The following RNF224 variants were observed in gnomAD, a reference collection of about 807,000 sequenced individuals.
The protein encoded by RNF224 is ring finger protein 224.
A neutral mutation model predicts 2.9 loss-of-function variants in RNF224; 1 was observed. The observed-to-expected ratio is 0.35, with a 90% confidence interval of 0.12 to 1.66. The LOEUF is 1.66. Ranked by LOEUF, RNF224 falls within the 40% of genes most tolerant of loss-of-function variation. The pLI is 0.35. For missense variants in RNF224, 254 were observed against 221.8 expected, an observed-to-expected ratio of 1.15 and a Z score of -0.92; for synonymous variants, 116 against 97.6, an observed-to-expected ratio of 1.19 and a Z score of -1.11.
chr9:137,228,495 C>A (rs1056678238), intron 2 of RNF224, 127 bp from the exon 3 acceptor site: 6 of 1,086,790 alleles, frequency 5.5e-6, no homozygotes, highest in South Asian at 1.7e-5. Flanking sequence ...ACGCTCCCTC[C>A]CAGGTCTGCA....
chr9:137,228,738 C>T lies in RNF224; in HGVS notation c.123C>T (p.Leu41=), dbSNP rs572693637. The T allele has an allele frequency of 8.5e-6, 13 of 1,531,856 alleles. No homozygotes were observed. In the African/African-American group the frequency reaches 1.6e-4, roughly 19 times the overall value. The allele number at this position is 1,531,856 out of a possible 1,614,324, so 94.9% of individuals were successfully genotyped here. The change falls in exon 3 of 3, where the codon CTC becomes CTT. Residue 41 remains leucine, a synonymous_variant. Transcript: ENST00000445101. ...TCTCCGGGCACCTGCCCCGCCGCCT[C>T]TACTGTGGACACACCTTCTGCCAGG... ...YDLSGHLPRR[L]YCGHTFCQAC...
rs562312320 is a variant in RNF224, at chr9:137,228,796, G to T, written c.181G>T (p.Glu61Ter). 2.0e-5 allele frequency: 30 copies of T among 1,533,814 alleles called. No individual in the cohort carries two copies. The East Asian group carries it at 6.9e-4, about 35-fold the overall frequency. The change falls in exon 3 of 3, where the codon GAG becomes TAG. Residue 61 changes from glutamate to a stop codon, truncating the protein, a stop_gained. Coordinates refer to ENST00000445101, the MANE Select transcript of RNF224 (RefSeq NM_001190228.2). LOFTEE classifies it low-confidence loss of function (END_TRUNC). ...CVRRLDTPAP[E>*]QRWIPCPQCR... ...GCGGCGGCTGGACACACCGGCGCCC[G>T]AGCAGCGCTGGATCCCCTGTCCGCA...
rs996708912 is a variant in RNF224 at position 137,229,548 on chromosome 9, G to A, written c.*462G>A. The A allele has an allele frequency of 4.5e-5, 8 of 176,012 alleles. No homozygotes were observed. Among genetic ancestry groups the A allele is most frequent in the African/African-American group, 1.9e-4 (8 of 42,240 alleles). The allele number at this position is 176,012 out of a possible 1,614,324, so 10.9% of individuals were successfully genotyped here. Reference sequence around the variant, plus strand: ...CCTCTCCCACAGACGTCCCCGGGGTGTACCGGGAGGGTGGCAAGACTACCT... The same window carrying A: ...CCTCTCCCACAGACGTCCCCGGGGTATACCGGGAGGGTGGCAAGACTACCT... On this transcript the variant is annotated 3_prime_UTR_variant, in exon 3 of 3. Coordinates refer to ENST00000445101, the MANE Select transcript of RNF224 (RefSeq NM_001190228.2).
Position 137,228,786 on chromosome 9 carries a change from A to T in RNF224, c.171A>T (p.Thr57=). 3.3e-6 allele frequency: 5 copies of T among 1,533,594 alleles called. No individual in the cohort carries two copies. Among genetic ancestry groups the T allele is most frequent in the Non-Finnish European group, 4.4e-6 (5 of 1,145,612 alleles). 95.0% of individuals were successfully genotyped at this position (1,533,594 alleles called of 1,614,324 possible). The change falls in exon 3 of 3, where the codon ACA becomes ACT. Residue 57 remains threonine (T), a synonymous_variant. Coordinates refer to ENST00000445101, the MANE Select transcript of RNF224 (RefSeq NM_001190228.2). ...FCQACVRRLD[T]PAPEQRWIPC... Reference sequence around the variant, plus strand: ...AGGCGTGTGTGCGGCGGCTGGACACACCGGCGCCCGAGCAGCGCTGGATCC... The same window carrying T: ...AGGCGTGTGTGCGGCGGCTGGACACTCCGGCGCCCGAGCAGCGCTGGATCC...
chr9:137,229,438 G>A lies in RNF224; in HGVS notation c.*352G>A, dbSNP rs1006845432. ...CAAAGGATGGCTCCCAAGAGGATGC[G>A]AAGGCGTCCCGGGGGCCTGGGCTGC... On this transcript the variant is annotated 3_prime_UTR_variant, in exon 3 of 3. Coordinates refer to ENST00000445101, the MANE Select transcript of RNF224 (RefSeq NM_001190228.2). 14 of 298,428 alleles carry A rather than the reference G, an allele frequency of 4.7e-5. No homozygotes were observed. Among genetic ancestry groups the A allele is most frequent in the South Asian group, 1.9e-4 (4 of 21,236 alleles). The allele number at this position is 298,428 out of a possible 1,614,324, so 18.5% of individuals were successfully genotyped here.
intron 1 of RNF224, 123 bp from the exon 2 acceptor site, chr9:137,228,029 G>C (rs1477393790): frequency 4.6e-6 from 2 of 433,862 alleles, no homozygotes; most frequent in Non-Finnish European, 8.3e-6. Flanking sequence ...CCCTAAGAGT[G>C]GGGAAATGGA....
intron 1 of RNF224, 110 bp downstream of exon 1, chr9:137,227,971 G>C (rs1436014716): frequency 3.8e-6 from 1 of 260,024 alleles, no homozygotes; most frequent in African/African-American, 2.4e-5. Context: ...GGAGGGGAGA[G>C]GTGAGGGAGG....
chr9:137,228,250 C>A lies in RNF224; in HGVS notation c.-86C>A. The A allele has an allele frequency of 7.2e-7, 1 of 1,398,242 alleles. No individual in the cohort carries two copies. Among genetic ancestry groups the A allele is most frequent in the Non-Finnish European group, 9.8e-7 (1 of 1,025,020 alleles). The allele number at this position is 1,398,242 out of a possible 1,614,324, so 86.6% of individuals were successfully genotyped here. ...CTCCCGTGCAAGGCCAGTAATGCAA[C>A]CCAGGAGGGAGCCGCAGGGCGCCCT... On this transcript the variant is annotated 5_prime_UTR_variant, in exon 2 of 3. Transcript: ENST00000445101.
intron 2 of RNF224, 33 bp from the exon 3 acceptor site, chr9:137,228,589 G>T (rs1249727801): frequency 1.4e-6 from 2 of 1,409,800 alleles, no homozygotes; most frequent in South Asian, 3.0e-5. Flanking sequence ...GGTCCTCGAG[G>T]CAGGCTGTCC....
intron 1 of RNF224, 69 bp from the exon 2 acceptor site, chr9:137,228,083 G>C: frequency 1.9e-6 from 1 of 518,520 alleles, no homozygotes; most frequent in Non-Finnish European, 3.4e-6. Context: ...AGCTGGCTGG[G>C]TCTGGACAGG....
Position 137,229,359 on chromosome 9 carries a change from G to A in RNF224, c.*273G>A. On this transcript the variant is annotated 3_prime_UTR_variant, in exon 3 of 3. Transcript: ENST00000445101. Reference sequence around the variant, plus strand: ...ACTAGCCCGACCGGATGTGCCTGGTGAGGACACTGCTGTCTGAGTGGGCGG... The same window carrying A: ...ACTAGCCCGACCGGATGTGCCTGGTAAGGACACTGCTGTCTGAGTGGGCGG... 3.8e-6 allele frequency: 2 copies of A among 524,946 alleles called. No homozygotes were observed. The highest frequency in any genetic ancestry group is 2.3e-5 in the South Asian group (1 of 43,154). The allele number at this position is 524,946 out of a possible 1,614,324, so 32.5% of individuals were successfully genotyped here.
chr9:137,229,140 C>T lies in RNF224; in HGVS notation c.*54C>T. 8.6e-6 allele frequency: 9 copies of T among 1,046,968 alleles called. No homozygotes were observed. Among genetic ancestry groups the T allele is most frequent in the Non-Finnish European group, 1.1e-5 (8 of 716,994 alleles). The allele number at this position is 1,046,968 out of a possible 1,614,324, so 64.9% of individuals were successfully genotyped here. A position where few individuals can be genotyped will look rare whatever the true frequency, so the allele number is the denominator to read the frequency against. Reference sequence around the variant, plus strand: ...AAATGCCTGCCTTGGAACCCCTGACCACACACCATCATGGGTTCAGCCCAC... The same window carrying T: ...AAATGCCTGCCTTGGAACCCCTGACTACACACCATCATGGGTTCAGCCCAC... On this transcript the variant is annotated 3_prime_UTR_variant, in exon 3 of 3. Coordinates refer to ENST00000445101, the MANE Select transcript of RNF224 (RefSeq NM_001190228.2).
intron 2 of RNF224, 48 bp from the exon 3 acceptor site, chr9:137,228,574 C>CG: frequency 2.2e-6 from 3 of 1,370,738 alleles, no homozygotes; most frequent in Non-Finnish European, 2.9e-6. Context: ...CCCATCCAGG[C>CG]GGAAGGTCCT....
At position 137,227,813 on chromosome 9, in the gene RNF224, G is replaced by A. The variant is rs1358318467; in HGVS notation, c.-233G>A. ...GTCTGCAGAAGGCTCTGAGCCAGGA[G>A]GGAACCCTGGCAGGCTTCCTAGAGG... is the stretch of plus-strand genomic sequence containing the variant. On this transcript the variant is annotated 5_prime_UTR_variant, in exon 1 of 3. Transcript: ENST00000445101. 1 of 155,648 alleles carries A rather than the reference G, an allele frequency of 6.4e-6. No individual in the cohort carries two copies. Among genetic ancestry groups the A allele is most frequent in the Non-Finnish European group, 1.4e-5 (1 of 70,220 alleles). 9.6% of individuals were successfully genotyped at this position (155,648 alleles called of 1,614,324 possible). A position where few individuals can be genotyped will look rare whatever the true frequency, so the allele number is the denominator to read the frequency against.
rs1213243122 is a variant in RNF224, at chr9:137,229,562, G to C, written c.*476G>C. ...GTCCCCGGGGTGTACCGGGAGGGTG[G>C]CAAGACTACCTCCTTCCTCCCTGCC... On this transcript the variant is annotated 3_prime_UTR_variant, in exon 3 of 3. Coordinates refer to ENST00000445101, the MANE Select transcript of RNF224 (RefSeq NM_001190228.2). 1 of 173,876 alleles carries C rather than the reference G, an allele frequency of 5.8e-6. No individual in the cohort carries two copies. The highest frequency in any genetic ancestry group is 2.4e-5 in the African/African-American group (1 of 42,164). The allele number at this position is 173,876 out of a possible 1,614,324, so 10.8% of individuals were successfully genotyped here. A position where few individuals can be genotyped will look rare whatever the true frequency, so the allele number is the denominator to read the frequency against.
Position 137,228,573 on chromosome 9 carries a change from G to A in RNF224, c.7-49G>A, listed in dbSNP as rs191555669. 45 of 1,373,538 alleles carry A rather than the reference G, an allele frequency of 3.3e-5. 1 individual carries two copies. Among genetic ancestry groups the A allele is most frequent in the Middle Eastern group, 5.2e-4 (2 of 3,844 alleles). 85.1% of individuals were successfully genotyped at this position (1,373,538 alleles called of 1,614,324 possible). A position where few individuals can be genotyped will look rare whatever the true frequency, so the allele number is the denominator to read the frequency against. On this transcript the variant is annotated intron_variant, in intron 2 of 2. Coordinates refer to ENST00000445101, the MANE Select transcript of RNF224 (RefSeq NM_001190228.2). ...CTCCTGGGGCCAGCACCCCATCCAG[G>A]CGGAAGGTCCTCGAGGCAGGCTGTC...
chr9:137,228,707 A>G lies in RNF224; in HGVS notation c.92A>G (p.Tyr31Cys), dbSNP rs1435881449. ...RTDCIICCSA[Y>C]DLSGHLPRRL... Reference sequence around the variant, plus strand: ...GACTGCATCATCTGCTGCTCGGCCTATGACCTCTCCGGGCACCTGCCCCGC... The same window carrying G: ...GACTGCATCATCTGCTGCTCGGCCTGTGACCTCTCCGGGCACCTGCCCCGC... The change falls in exon 3 of 3, where the codon TAT becomes TGT. Residue 31 changes from tyrosine (Y) to cysteine (C), a missense_variant. Tyr to Cys is a radical substitution (Grantham distance 194). Transcript: ENST00000445101. 26 of 1,526,298 alleles carry G rather than the reference A, an allele frequency of 1.7e-5. No individual in the cohort carries two copies. The highest frequency in any genetic ancestry group is 4.9e-5 in the East Asian group (2 of 40,704). 94.5% of individuals were successfully genotyped at this position (1,526,298 alleles called of 1,614,324 possible).
chr9:137,229,021 C>T lies in RNF224; in HGVS notation c.406C>T (p.Pro136Ser). The part of the protein sequence containing the change: ...ALGPQPHFPQ[P>S]RYCCWGCGSL... ...GGGACCCCAGCCCCACTTCCCCCAGCCCAGATACTGCTGCTGGGGCTGTGG... is the reference window on the plus strand; with the variant it reads ...GGGACCCCAGCCCCACTTCCCCCAGTCCAGATACTGCTGCTGGGGCTGTGG... Residue 136 changes from proline to serine, a missense_variant, in exon 3 of 3, where the codon CCC becomes TCC. Transcript: ENST00000445101. 6.5e-7 allele frequency: 1 copy of T among 1,535,360 alleles called. No individual in the cohort carries two copies. The highest frequency in any genetic ancestry group is 8.7e-7 in the Non-Finnish European group (1 of 1,146,564).
At position 137,228,764 on chromosome 9, in the gene RNF224, CGT is replaced by C. The variant is rs1272936391; in HGVS notation, c.155_156del (p.Val52AlafsTer45). On this transcript the variant is annotated frameshift_variant, in exon 3 of 3. Transcript: ENST00000445101. LOFTEE classifies it low-confidence loss of function (END_TRUNC). ...TACTGTGGACACACCTTCTGCCAGG[CGT>C]GTGTGCGGCGGCTGGACACACCGGC... 1.3e-6 allele frequency: 2 copies of C among 1,532,846 alleles called. No homozygotes were observed. The highest frequency in any genetic ancestry group is 8.7e-7 in the Non-Finnish European group (1 of 1,145,010). The allele number at this position is 1,532,846 out of a possible 1,614,324, so 95.0% of individuals were successfully genotyped here. A position where few individuals can be genotyped will look rare whatever the true frequency, so the allele number is the denominator to read the frequency against.
Sources: gnomAD v4.1 joint callset for allele counts on GRCh38, gnomAD v4.1.1 for gene constraint, MANE v1.5 for transcripts, NCBI Gene and HGNC (gene_info 2026-07-23, HGNC 2026-07-21) for gene names.